ZDHHC14: variants seen among roughly 807,000 people sequenced by gnomAD.
ZDHHC14 encodes the protein zDHHC palmitoyltransferase 14.
Under a neutral mutation model 47.7 loss-of-function variants are expected in ZDHHC14, and 16 were observed. That is an observed-to-expected ratio of 0.34 (90% CI 0.23 to 0.51). ZDHHC14 has a LOEUF of 0.51. ZDHHC14 is among the 20% of genes least tolerant of loss of function. The pLI, the probability that ZDHHC14 is intolerant of heterozygous loss-of-function variation, is 0.97. For missense variants in ZDHHC14, 515 were observed against 662.5 expected (o/e 0.78, Z 2.44); for synonymous variants, 293 against 278.9 (o/e 1.05, Z -0.50).
At chr6:157,401,726 G>A (rs1002992336) in intron 1 of ZDHHC14, among the ~76,000 whole-genome samples, 2 of 149,144 alleles carry the variant, frequency 1.3e-5, no homozygotes, top group Non-Finnish European at 3.0e-5. Context: ...AGTGAGATGC[G>A]CACCTGCTGA....
At chr6:157,435,507 G>T (rs1778421149) in intron 1 of ZDHHC14, among the ~76,000 whole-genome samples, 1 of 152,040 alleles carries the variant, frequency 6.6e-6, no homozygotes, top group Non-Finnish European at 1.5e-5. Context: ...TCAGTAAGGT[G>T]GGCACCCTCC....
At chr6:157,523,896 G>A (rs911516581) in intron 1 of ZDHHC14, among the ~76,000 whole-genome samples, 24 of 152,126 alleles carry the variant, frequency 1.6e-4, no homozygotes, top group African/African-American at 5.6e-4. Flanking sequence ...ACAAGACCCT[G>A]TCTCCAACAA....
chr6:157,483,884 T>C (rs1779691629), intron 1 of ZDHHC14, among the ~76,000 whole-genome samples: 1 of 152,086 alleles, frequency 6.6e-6, no homozygotes, highest in Admixed American at 6.6e-5. Flanking sequence ...AAAATAGACA[T>C]GGAGTCAACC....
intron 1 of ZDHHC14, among the ~76,000 whole-genome samples, chr6:157,460,490 G>A (rs912810659): frequency 1.4e-5 from 2 of 147,360 alleles, no homozygotes; most frequent in African/African-American, 5.0e-5. Context: ...AAAGAGTGCT[G>A]TTGATACCCA....
intron 3 of ZDHHC14, among the ~76,000 whole-genome samples, chr6:157,611,157 G>A (rs1373817682): frequency 6.6e-6 from 1 of 152,056 alleles, no homozygotes. Context: ...GCGCCACCAT[G>A]CCCAGCTAAT....
intron 2 of ZDHHC14, among the ~76,000 whole-genome samples, chr6:157,545,658 G>C (rs966030762): frequency 1.3e-5 from 2 of 151,880 alleles, no homozygotes; most frequent in African/African-American, 4.8e-5. Context: ...TGGGCGACAG[G>C]GGAGACTCCC....
At chr6:157,475,747 A>C (rs796672368) in intron 1 of ZDHHC14, among the ~76,000 whole-genome samples, 44 of 152,176 alleles carry the variant, frequency 2.9e-4, no homozygotes, top group South Asian at 1.9e-3. Flanking sequence ...ACATTACTGA[A>C]TTTGTTTATT....
chr6:157,505,544 A>G (rs906294558), intron 1 of ZDHHC14, among the ~76,000 whole-genome samples: 3 of 152,172 alleles, frequency 2.0e-5, no homozygotes, highest in African/African-American at 7.2e-5. Context: ...AGTAAGAGGA[A>G]GCCATGCCTG....
At position 157,463,380 on chromosome 6, in the gene ZDHHC14, A is replaced by G. The variant is rs569754152; in HGVS notation, c.246-79205A>G. 3.3e-5 allele frequency among the ~76,000 whole-genome samples: 5 copies of G among 152,274 alleles called. No individual in the cohort carries two copies. In the South Asian group the frequency reaches 1.0e-3, roughly 32 times the overall value. ...ATAATCACATTCTCTTTTCCTGCCTATTCTAATGAGCTATTATTATTATTT... is the reference window on the plus strand; with the variant it reads ...ATAATCACATTCTCTTTTCCTGCCTGTTCTAATGAGCTATTATTATTATTT... On this transcript the variant is annotated intron_variant, in intron 1 of 8. Coordinates refer to ENST00000359775, the MANE Select transcript of ZDHHC14 (RefSeq NM_024630.3). The surrounding 1 kb of genome is among the most constrained non-coding windows in gnomAD (Gnocchi z 4.4).
intron 1 of ZDHHC14, among the ~76,000 whole-genome samples, chr6:157,496,585 G>T (rs766662894): frequency 2.6e-5 from 4 of 152,162 alleles, no homozygotes; most frequent in Non-Finnish European, 5.9e-5. Context: ...CATACACAAA[G>T]GGAAGATAAT....
At position 157,522,890 on chromosome 6, in the gene ZDHHC14, ATCCTTCCTTCCTTCCT is replaced by A. The variant is rs1170981998; in HGVS notation, c.246-19677_246-19662del. Among the ~76,000 whole-genome samples, 2 of 25,698 alleles carry A rather than the reference ATCCTTCCTTCCTTCCT, an allele frequency of 7.8e-5. 1 individual carries two copies. Among genetic ancestry groups the A allele is most frequent in the Non-Finnish European group, 1.3e-4 (2 of 15,176 alleles). 16.9% of individuals were successfully genotyped at this position (25,698 alleles called of 152,430 possible). A position where few individuals can be genotyped will look rare whatever the true frequency, so the allele number is the denominator to read the frequency against. ...CCTTGCTCCCTCCCATCTTCCTACC[ATCCTTCCTTCCTTCCT>A]TCCTTCCTTCCTTCCTTTCTTTCTT... On this transcript the variant is annotated intron_variant, in intron 1 of 8. Coordinates refer to ENST00000359775, the MANE Select transcript of ZDHHC14 (RefSeq NM_024630.3).
chr6:157,458,721 G>A (rs1256203626), intron 1 of ZDHHC14, among the ~76,000 whole-genome samples: 4 of 151,358 alleles, frequency 2.6e-5, no homozygotes, highest in Non-Finnish European at 5.9e-5. Flanking sequence ...TTCTCCAAGT[G>A]CATATAGATC....
intron 2 of ZDHHC14, among the ~76,000 whole-genome samples, chr6:157,563,478 G>A (rs1317453950): frequency 6.6e-6 from 1 of 152,214 alleles, no homozygotes; most frequent in Non-Finnish European, 1.5e-5. Flanking sequence ...GAAAGTGGGA[G>A]TGTGTGCTCT....
chr6:157,401,003 C>A (rs538088610), intron 1 of ZDHHC14, among the ~76,000 whole-genome samples: 10 of 152,352 alleles, frequency 6.6e-5, no homozygotes, highest in Admixed American at 3.3e-4. Context: ...TCTAGCACTG[C>A]ATTGAAAACA....
At chr6:157,423,227 T>C (rs1304167556) in intron 1 of ZDHHC14, among the ~76,000 whole-genome samples, 1 of 152,144 alleles carries the variant, frequency 6.6e-6, no homozygotes, top group Non-Finnish European at 1.5e-5. Flanking sequence ...ACCTCAAAAA[T>C]GGGATGAATG....
rs1430208537 is a variant in ZDHHC14, at chr6:157,586,903, C to G, written c.407-6085C>G. Among the ~76,000 whole-genome samples, 1 of 152,204 alleles carries G rather than the reference C, an allele frequency of 6.6e-6. No individual in the cohort carries two copies. Among genetic ancestry groups the G allele is most frequent in the African/African-American group, 2.4e-5 (1 of 41,450 alleles). On this transcript the variant is annotated intron_variant, in intron 2 of 8. Transcript: ENST00000359775. This position sits in a 1 kb window ranked among gnomAD's most constrained non-coding sequence, Gnocchi z 4.6. ...AATTCTAGCTTTCAGCATTTCACCTCTTTGTAACAGAGGTTCAATCTTTTA... is the reference window on the plus strand; with the variant it reads ...AATTCTAGCTTTCAGCATTTCACCTGTTTGTAACAGAGGTTCAATCTTTTA...
At chr6:157,622,381 G>C (rs1055412354) in intron 3 of ZDHHC14, among the ~76,000 whole-genome samples, 3 of 152,052 alleles carry the variant, frequency 2.0e-5, no homozygotes, top group Non-Finnish European at 2.9e-5. Flanking sequence ...ACAGAGCAAG[G>C]CTCCATTTCA....
chr6:157,572,541 C>T (rs1023180076), intron 2 of ZDHHC14, among the ~76,000 whole-genome samples: 2 of 151,714 alleles, frequency 1.3e-5, no homozygotes, highest in South Asian at 2.1e-4. Context: ...ATGTGCACAA[C>T]GTGCAGGTTT....
intron 1 of ZDHHC14, among the ~76,000 whole-genome samples, chr6:157,455,805 T>C (rs941072375): frequency 1.3e-5 from 2 of 152,258 alleles, no homozygotes; most frequent in African/African-American, 4.8e-5. Context: ...CAGCATTTTC[T>C]CTCAGATAAA....
Sources: gnomAD v4.1 joint callset for allele counts (sites outside exome capture counted in the v4.1 genomes callset) on GRCh38, gnomAD v4.1.1 for gene constraint, Gnocchi (gnomAD v3.1) non-coding constraint, MANE v1.5 for transcripts, NCBI Gene and HGNC (gene_info 2026-07-23, HGNC 2026-07-21) for gene names.